The following MYO5A variants were observed in gnomAD, a reference collection of about 807,000 sequenced individuals.
MYO5A encodes unconventional myosin-Va.
In MYO5A, 98 loss-of-function variants were observed where a neutral mutation model predicts 249.7. The observed-to-expected ratio is 0.39, with a 90% CI of 0.33 to 0.46. The LOEUF (loss-of-function observed/expected upper bound fraction) is 0.46, where lower values mean the gene tolerates loss of function less well. Ranked by LOEUF, MYO5A falls within the 20% of genes least tolerant of loss-of-function variation. The pLI, the probability that MYO5A is intolerant of heterozygous loss-of-function variation, is 0.98. For synonymous variants in MYO5A, 778 were observed against 810.6 expected, an observed-to-expected ratio of 0.96 and a Z score of 0.68; for missense variants, 1,696 against 2,308.8, an observed-to-expected ratio of 0.73 and a Z score of 5.44.
At chr15:52,459,433 C>G (rs1368173691) in intron 1 of MYO5A, among the ~76,000 whole-genome samples, 1 of 151,948 alleles carries the variant, frequency 6.6e-6, no homozygotes, top group Non-Finnish European at 1.5e-5. Context: ...CGCCCTTAAT[C>G]CATTTAACCC....
At position 52,340,277 on chromosome 15, in the gene MYO5A, G is replaced by C. The variant is rs369802433; in HGVS notation, c.4158C>G (p.Ala1386=). 3.0e-5 allele frequency: 48 copies of C among 1,613,826 alleles called. No homozygotes were observed. The highest frequency in any genetic ancestry group is 4.0e-5 in the Non-Finnish European group (47 of 1,180,008). Residue 1386 remains alanine, a synonymous_variant, in exon 32 of 42, where the codon GCC becomes GCG. Coordinates refer to ENST00000399233, the MANE Select transcript of MYO5A (RefSeq NM_001382347.1). ...EENNRQQQLL[A]QNLQLPPEAR... is the part of the protein sequence containing the mutation. Reference sequence around the variant, plus strand: ...CCTCTGGGGGCAGCTGCAGGTTCTGGGCCAGCAGCTGCTGCTGTCGGTTGT... The same window carrying C: ...CCTCTGGGGGCAGCTGCAGGTTCTGCGCCAGCAGCTGCTGCTGTCGGTTGT...
chr15:52,415,472 G>A (rs2043437441), intron 5 of MYO5A, among the ~76,000 whole-genome samples: 1 of 152,032 alleles, frequency 6.6e-6, no homozygotes, highest in African/African-American at 2.4e-5. Context: ...GTGTATTCAA[G>A]TTTTGAAAGC....
At chr15:52,420,143 A>G (rs1331785020) in intron 4 of MYO5A, among the ~76,000 whole-genome samples, 2 of 152,078 alleles carry the variant, frequency 1.3e-5, no homozygotes, top group Non-Finnish European at 1.5e-5. Flanking sequence ...CCATCTCTAC[A>G]AGAAAGAAAA....
chr15:52,483,379 A>G (rs2076753306), intron 1 of MYO5A, among the ~76,000 whole-genome samples: 1 of 152,150 alleles, frequency 6.6e-6, no homozygotes, highest in African/African-American at 2.4e-5. Context: ...TGAGGGGTAC[A>G]GTTACCCTTT....
At chr15:52,478,120 C>T (rs1007933195) in intron 1 of MYO5A, among the ~76,000 whole-genome samples, 1 of 152,258 alleles carries the variant, frequency 6.6e-6, no homozygotes, top group Non-Finnish European at 1.5e-5. Flanking sequence ...GGCGGGCACC[C>T]CTCCCCCAGC....
chr15:52,505,451 C>T, intron 1 of MYO5A: 1 of 930,694 alleles, frequency 1.1e-6, no homozygotes, highest in Admixed American at 1.7e-5. Context: ...GAAGACACTA[C>T]AGGAAGTGGA....
At chr15:52,381,979 T>G (rs1471498312) in intron 16 of MYO5A, among the ~76,000 whole-genome samples, 2 of 152,206 alleles carry the variant, frequency 1.3e-5, no homozygotes, top group Non-Finnish European at 2.9e-5. Context: ...CTCGGCTCAC[T>G]GCAACTGCAG....
chr15:52,337,732 G>C, intron 33 of MYO5A, 78 bp downstream of exon 33: 1 of 1,047,524 alleles, frequency 9.5e-7, no homozygotes, highest in Non-Finnish European at 1.4e-6. Flanking sequence ...GAGGGGGCAG[G>C]CAGCAGTGTG....
intron 1 of MYO5A, among the ~76,000 whole-genome samples, chr15:52,457,511 G>C (rs1427675042): frequency 5.9e-5 from 9 of 151,610 alleles, no homozygotes; most frequent in Non-Finnish European, 8.8e-5. Flanking sequence ...ATGACAAAAT[G>C]CTCAACACCA....
At chr15:52,504,895 A>G (rs1046875287) in intron 1 of MYO5A, among the ~76,000 whole-genome samples, 5 of 152,012 alleles carry the variant, frequency 3.3e-5, no homozygotes, top group Non-Finnish European at 5.9e-5. Context: ...TCTCAAAAAA[A>G]AAAAAGAAAA....
At chr15:52,320,260 C>T (rs549574904) in intron 38 of MYO5A, among the ~76,000 whole-genome samples, 2 of 152,348 alleles carry the variant, frequency 1.3e-5, no homozygotes, top group East Asian at 3.9e-4. Context: ...CACTCCCTGA[C>T]AGCAAGCCCC....
rs554962637 is a variant in MYO5A at position 52,311,318 on chromosome 15, G to C, written c.*2378C>G. The C allele has an allele frequency of 6.6e-6, 1 of 152,304 alleles. No individual in the cohort carries two copies. Among genetic ancestry groups the C allele is most frequent in the Admixed American group, 6.5e-5 (1 of 15,298 alleles). The allele number at this position is 152,304 out of a possible 1,614,324, so 9.4% of individuals were successfully genotyped here. A position where few individuals can be genotyped will look rare whatever the true frequency, so the allele number is the denominator to read the frequency against. On this transcript the variant is annotated 3_prime_UTR_variant, in exon 42 of 42. Transcript: ENST00000399233. ...GGCTGAGGCGGACAGCCTGTACCACGTTGCATTTTCTTAGCAACTCCCCAA... is the reference window on the plus strand; with the variant it reads ...GGCTGAGGCGGACAGCCTGTACCACCTTGCATTTTCTTAGCAACTCCCCAA...
chr15:52,327,167 T>C (rs1282329430), intron 36 of MYO5A, among the ~76,000 whole-genome samples: 1 of 152,244 alleles, frequency 6.6e-6, no homozygotes, highest in Non-Finnish European at 1.5e-5. Context: ...AGCCATATCT[T>C]AAACTTATTT....
At chr15:52,353,763 T>C (rs1258693928) in intron 26 of MYO5A, 105 bp from the exon 27 acceptor site, 2 of 1,593,588 alleles carry the variant, frequency 1.3e-6, no homozygotes, top group African/African-American at 2.7e-5. Context: ...CTCACTACTT[T>C]AACCAAGTGG....
At chr15:52,341,376 T>C (rs1251743146) in intron 31 of MYO5A, among the ~76,000 whole-genome samples, 1 of 152,194 alleles carries the variant, frequency 6.6e-6, no homozygotes, top group Non-Finnish European at 1.5e-5. Context: ...AGAACACAAA[T>C]ATTAATAGGA....
At chr15:52,394,127 G>A (rs1027006284) in intron 11 of MYO5A, among the ~76,000 whole-genome samples, 1 of 152,098 alleles carries the variant, frequency 6.6e-6, no homozygotes, top group East Asian at 1.9e-4. Flanking sequence ...TGCCAACCAC[G>A]GGATTTCTCA....
At chr15:52,523,801 G>A (rs978375910) in intron 1 of MYO5A, among the ~76,000 whole-genome samples, 1 of 152,190 alleles carries the variant, frequency 6.6e-6, no homozygotes, top group Admixed American at 6.5e-5. Context: ...AATGGAAAGG[G>A]CATGACAGGA....
At chr15:52,439,743 A>C (rs2075746968) in intron 1 of MYO5A, among the ~76,000 whole-genome samples, 1 of 152,214 alleles carries the variant, frequency 6.6e-6, no homozygotes, top group Non-Finnish European at 1.5e-5. Flanking sequence ...GGTAAAGAAA[A>C]AGTAAATAAT....
At chr15:52,363,221 AAAG>A (rs1263207059) in intron 24 of MYO5A, among the ~76,000 whole-genome samples, 1 of 152,240 alleles carries the variant, frequency 6.6e-6, no homozygotes, top group African/African-American at 2.4e-5. Context: ...GAACACTGAA[AAAG>A]AAGAAAAGGA....
Sources: gnomAD v4.1 joint callset for allele counts (sites outside exome capture counted in the v4.1 genomes callset) on GRCh38, gnomAD v4.1.1 for gene constraint, MANE v1.5 for transcripts, NCBI Gene and HGNC (gene_info 2026-07-23, HGNC 2026-07-21) for gene names.